Variants in NHS observed in about 807,000 individuals in gnomAD.
NHS encodes the protein NHS actin remodeling regulator.
Under a neutral mutation model 72.5 loss-of-function variants are expected in NHS, and 5 were observed. The observed-to-expected ratio is 0.07, with a 90% CI of 0.04 to 0.14. The LOEUF (loss-of-function observed/expected upper bound fraction) is 0.14. Ranked by LOEUF, NHS falls within the 10% of genes least tolerant of loss-of-function variation. The probability of loss-of-function intolerance (pLI) is 1.00; values close to 1 mark genes in which losing one functional copy is unlikely to be tolerated. For synonymous variants in NHS, 464 were observed against 547.7 expected (o/e 0.85, Z 2.13); for missense variants, 1,072 against 1,355.7 (o/e 0.79, Z 3.29).
intron 1 of NHS, among the ~76,000 whole-genome samples, chrX:17,578,065 G>A (rs901688837): frequency 2.7e-5 from 3 of 111,913 alleles, no homozygotes; most frequent in Non-Finnish European, 5.6e-5. Context: ...CACCATTCTT[G>A]TCCTAGAAAT....
chrX:17,445,302 CA>C (rs1166324763), intron 1 of NHS, among the ~76,000 whole-genome samples: 1 of 111,719 alleles, frequency 9.0e-6, no homozygotes, highest in Non-Finnish European at 1.9e-5. Context: ...GGAAATAAAG[CA>C]AAAAAATAAA....
chrX:17,729,261 AT>A (rs1049923518), intron 8 of NHS, among the ~76,000 whole-genome samples: 5 of 111,979 alleles, frequency 4.5e-5, no homozygotes, highest in African/African-American at 1.6e-4. Flanking sequence ...ATGTAACCAA[AT>A]ACCACCTCTT....
intron 1 of NHS, among the ~76,000 whole-genome samples, chrX:17,671,334 A>G (rs755062076): frequency 1.8e-5 from 2 of 112,197 alleles, no homozygotes; most frequent in African/African-American, 6.5e-5. Flanking sequence ...CATTTAGTGT[A>G]CCCTCCTGCA....
intron 3 of NHS, among the ~76,000 whole-genome samples, chrX:17,703,935 T>C (rs2066280902): frequency 1.8e-5 from 2 of 111,871 alleles, no homozygotes; most frequent in Non-Finnish European, 3.8e-5. Context: ...GAGCAGCCAT[T>C]GTGGTGGCAA....
intron 1 of NHS, among the ~76,000 whole-genome samples, chrX:17,649,163 G>T (rs1014454856): frequency 1.4e-4 from 16 of 111,580 alleles, no homozygotes; most frequent in Non-Finnish European, 2.6e-4. Flanking sequence ...TTCAACCTGG[G>T]ATCTTTGCAA....
intron 1 of NHS, among the ~76,000 whole-genome samples, chrX:17,393,774 C>A (rs1458823229): frequency 9.0e-6 from 1 of 111,564 alleles, no homozygotes; most frequent in Non-Finnish European, 1.9e-5. Flanking sequence ...AGTGGGGAGG[C>A]CCTCCTATCC....
At chrX:17,467,255 GA>G (rs910149400) in intron 1 of NHS, among the ~76,000 whole-genome samples, 1 of 111,931 alleles carries the variant, frequency 8.9e-6, no homozygotes, top group Admixed American at 9.4e-5. Context: ...TCCAAAAAAA[GA>G]AAAAAAGACA....
chrX:17,433,315 C>T (rs757848969), intron 1 of NHS, among the ~76,000 whole-genome samples: 29 of 106,790 alleles, frequency 2.7e-4, no homozygotes, highest in Middle Eastern at 4.8e-3. Context: ...TCCCATAGTG[C>T]TCCCCCTTTT....
chrX:17,614,560 T>C (rs1205304514), intron 1 of NHS, among the ~76,000 whole-genome samples: 1 of 111,806 alleles, frequency 8.9e-6, no homozygotes, highest in Non-Finnish European at 1.9e-5. Flanking sequence ...GGCAGAGCTT[T>C]GACTTACAAC....
intron 1 of NHS, among the ~76,000 whole-genome samples, chrX:17,668,500 A>G (rs1411150112): frequency 9.0e-6 from 1 of 111,472 alleles, no homozygotes; most frequent in Non-Finnish European, 1.9e-5. Flanking sequence ...CTGTTCCTCA[A>G]ACATTCAAAC....
chrX:17,715,521 G>A (rs1183938228), intron 3 of NHS, among the ~76,000 whole-genome samples: 5 of 112,523 alleles, frequency 4.4e-5, no homozygotes, highest in South Asian at 3.7e-4. Flanking sequence ...ACATGACTTC[G>A]TTTCCTTTGG....
At chrX:17,534,627 T>C (rs2065214652) in intron 1 of NHS, among the ~76,000 whole-genome samples, 1 of 111,997 alleles carries the variant, frequency 8.9e-6, no homozygotes, top group South Asian at 3.8e-4. Context: ...AAATCCACTG[T>C]GGGGTTCCAA....
intron 1 of NHS, among the ~76,000 whole-genome samples, chrX:17,602,538 T>C (rs1452435545): frequency 9.0e-6 from 1 of 111,439 alleles, no homozygotes; most frequent in Non-Finnish European, 1.9e-5. Flanking sequence ...GGGACACTGC[T>C]AGAGAAAGGT....
intron 1 of NHS, among the ~76,000 whole-genome samples, chrX:17,591,149 T>C (rs891496781): frequency 1.8e-5 from 2 of 111,818 alleles, no homozygotes; most frequent in Non-Finnish European, 3.8e-5. Flanking sequence ...GCCTCCTGAA[T>C]ACATCAAGTC....
intron 1 of NHS, among the ~76,000 whole-genome samples, chrX:17,541,882 G>A (rs1048046871): frequency 6.4e-5 from 7 of 109,783 alleles, no homozygotes; most frequent in African/African-American, 2.3e-4. Flanking sequence ...ACTTTGAGGT[G>A]TAAACTCACA....
At chrX:17,512,445 C>T (rs189534776) in intron 1 of NHS, among the ~76,000 whole-genome samples, 1 of 111,999 alleles carries the variant, frequency 8.9e-6, no homozygotes, top group African/African-American at 3.2e-5. Context: ...ACTTACCATG[C>T]AAGAGTGGAA....
chrX:17,682,538 C>T (rs768145025), intron 1 of NHS, among the ~76,000 whole-genome samples: 74 of 111,274 alleles, frequency 6.7e-4, no homozygotes, highest in African/African-American at 2.4e-3. Flanking sequence ...ACTCTGAGAA[C>T]GTTTAAAAAT....
intron 1 of NHS, among the ~76,000 whole-genome samples, chrX:17,683,735 G>A (rs775673427): frequency 8.9e-6 from 1 of 111,869 alleles, no homozygotes; most frequent in Admixed American, 9.5e-5. Context: ...TTTTCCTGTT[G>A]TGGAGGATAA....
chrX:17,542,913 G>A (rs1181147115), intron 1 of NHS, among the ~76,000 whole-genome samples: 4 of 112,141 alleles, frequency 3.6e-5, no homozygotes, highest in Non-Finnish European at 7.5e-5. Flanking sequence ...GAGGAGTAAA[G>A]GAGATATAAG....
Sources: gnomAD v4.1 joint callset for allele counts (sites outside exome capture counted in the v4.1 genomes callset) on GRCh38, gnomAD v4.1.1 for gene constraint, MANE v1.5 for transcripts, NCBI Gene and HGNC (gene_info 2026-07-23, HGNC 2026-07-21) for gene names.